The following LAMC1 variants were observed in gnomAD, a reference collection of about 807,000 sequenced individuals.
The protein encoded by LAMC1 is laminin subunit gamma-1.
Under a neutral mutation model 173.6 loss-of-function variants are expected in LAMC1, and 38 were observed. That is an observed-to-expected ratio of 0.22 (90% CI 0.17 to 0.29). LAMC1 has a LOEUF of 0.29. Among genes scored for constraint, LAMC1 ranks in the 10% least tolerant of loss-of-function variants. The pLI, the probability that LAMC1 is intolerant of heterozygous loss-of-function variation, is 1.00. For synonymous variants in LAMC1, 746 were observed against 749.1 expected (o/e 1.00, Z 0.07); for missense variants, 1,824 against 2,051.8 (o/e 0.89, Z 2.14).
rs114711568 is a variant in LAMC1, at chr1:183,137,986, G to T, written c.4473+159G>T. 847 of 659,020 alleles carry T rather than the reference G, an allele frequency of 1.3e-3. 5 individuals carry two copies. In the African/African-American group the frequency reaches 0.014, roughly 11 times the overall value. 40.8% of individuals were successfully genotyped at this position (659,020 alleles called of 1,614,324 possible). A position where few individuals can be genotyped will look rare whatever the true frequency, so the allele number is the denominator to read the frequency against. ...GTTAGTAGCTTACATAGAAGACAAA[G>T]AATTTGGATCTTCTGCCAGGTAATT... On this transcript the variant is annotated intron_variant, in intron 26 of 27. Coordinates refer to ENST00000258341, the MANE Select transcript of LAMC1 (RefSeq NM_002293.4).
chr1:183,111,454 C>T (rs1022215582), intron 4 of LAMC1, among the ~76,000 whole-genome samples: 1 of 151,802 alleles, frequency 6.6e-6, no homozygotes, highest in Admixed American at 6.6e-5. Flanking sequence ...GAGAATTTTC[C>T]CACTCCCCTG....
At chr1:183,104,476 G>C (rs191018803) in intron 2 of LAMC1, among the ~76,000 whole-genome samples, 14 of 152,338 alleles carry the variant, frequency 9.2e-5, no homozygotes, top group African/African-American at 3.4e-4. Context: ...GCATGTGGCT[G>C]AAGTCAACAA....
chr1:183,062,049 A>G (rs1654756258), intron 1 of LAMC1, among the ~76,000 whole-genome samples: 2 of 152,248 alleles, frequency 1.3e-5, no homozygotes, highest in South Asian at 4.1e-4. Context: ...CCTTTATCCC[A>G]TGAAATCAGA....
chr1:183,065,708 C>T (rs993899418), intron 1 of LAMC1, among the ~76,000 whole-genome samples: 38 of 152,104 alleles, frequency 2.5e-4, no homozygotes, highest in African/African-American at 7.7e-4. Context: ...ATTTTTGAAA[C>T]ATTAATATTT....
At chr1:183,043,440 T>C (rs528200721) in intron 1 of LAMC1, among the ~76,000 whole-genome samples, 68 of 152,304 alleles carry the variant, frequency 4.5e-4, no homozygotes, top group Non-Finnish European at 8.1e-4. Flanking sequence ...TATATCACTT[T>C]TACAGATAGT....
At chr1:183,084,140 G>A (rs558677234) in intron 1 of LAMC1, among the ~76,000 whole-genome samples, 31 of 152,202 alleles carry the variant, frequency 2.0e-4, no homozygotes, top group African/African-American at 7.2e-4. Flanking sequence ...GGATCACAAG[G>A]TCAGGAGATC....
chr1:183,040,256 ACTGC>A (rs1236626659), intron 1 of LAMC1, among the ~76,000 whole-genome samples: 1 of 152,172 alleles, frequency 6.6e-6, no homozygotes, highest in Non-Finnish European at 1.5e-5. Flanking sequence ...TTTGTGTTCA[ACTGC>A]CTGGTTACTT....
At chr1:183,131,228 G>A (rs1656776529) in intron 19 of LAMC1, 71 bp from the exon 20 acceptor site, 2 of 949,270 alleles carry the variant, frequency 2.1e-6, no homozygotes, top group South Asian at 1.5e-5. Context: ...CAAAAATTTA[G>A]TTTTGACTCT....
chr1:183,042,675 A>G (rs1290791059), intron 1 of LAMC1, among the ~76,000 whole-genome samples: 1 of 152,164 alleles, frequency 6.6e-6, no homozygotes, highest in Non-Finnish European at 1.5e-5. Context: ...GGATCCTCAC[A>G]ACTTTAGCTT....
chr1:183,072,400 A>T (rs991022382), intron 1 of LAMC1, among the ~76,000 whole-genome samples: 1 of 152,234 alleles, frequency 6.6e-6, no homozygotes, highest in Non-Finnish European at 1.5e-5. Flanking sequence ...GGCCAGCTTC[A>T]TAGAGAGCCC....
In LAMC1 at chr1:183,124,687, G is replaced by A. The variant is rs140707704; in HGVS notation, c.2458G>A (p.Gly820Ser). ...CTTTGGAGACCCCCTGGGTAGAAACGGCCCTGTGAGACTTTGCCGCCTGTG... is the reference window on the plus strand; with the variant it reads ...CTTTGGAGACCCCCTGGGTAGAAACAGCCCTGTGAGACTTTGCCGCCTGTG... Reference protein sequence around the residue: ...GYFGDPLGRNGPVRLCRLCQC... With the variant: ...GYFGDPLGRNSPVRLCRLCQC... Residue 820 changes from glycine to serine, a missense_variant, in exon 14 of 28, where the codon GGC becomes AGC. Coordinates refer to ENST00000258341, the MANE Select transcript of LAMC1 (RefSeq NM_002293.4). 7 of 1,614,084 alleles carry A rather than the reference G, an allele frequency of 4.3e-6. No homozygotes were observed. The highest frequency in any genetic ancestry group is 2.7e-5 in the African/African-American group (2 of 74,928).
chr1:183,062,421 G>C (rs906139934), intron 1 of LAMC1, among the ~76,000 whole-genome samples: 3 of 152,164 alleles, frequency 2.0e-5, no homozygotes, highest in Non-Finnish European at 4.4e-5. Context: ...TATTAGGTGA[G>C]GTGCATGGAT....
At chr1:183,031,011 A>T (rs1030153713) in intron 1 of LAMC1, among the ~76,000 whole-genome samples, 1 of 152,182 alleles carries the variant, frequency 6.6e-6, no homozygotes, top group African/African-American at 2.4e-5. Context: ...AATAAATAAA[A>T]TGTATATATT....
rs1030713796 is a variant in LAMC1 at position 183,099,233 on chromosome 1, C to T, written c.419-4095C>T. On this transcript the variant is annotated intron_variant, in intron 1 of 27. Coordinates refer to ENST00000258341, the MANE Select transcript of LAMC1 (RefSeq NM_002293.4). ...CCTCCTGAGTAGCTGGGATTACAGG[C>T]GCGTACCACCACGCCTGGCTAATTT... 2.0e-5 allele frequency among the ~76,000 whole-genome samples: 3 copies of T among 152,176 alleles called. No individual in the cohort carries two copies. In the Middle Eastern group the frequency reaches 0.01, roughly 518 times the overall value.
In LAMC1 at chr1:183,145,158, G is replaced by A. The variant is rs1340655958; in HGVS notation, c.*2368G>A. Reference sequence around the variant, plus strand: ...TCTCAGGCCACAATGGGGTGGTTTGGTTTGGTTTCCTTTTAACTTTCTTTT... The same window carrying A: ...TCTCAGGCCACAATGGGGTGGTTTGATTTGGTTTCCTTTTAACTTTCTTTT... On this transcript the variant is annotated 3_prime_UTR_variant, in exon 28 of 28. Coordinates refer to ENST00000258341, the MANE Select transcript of LAMC1 (RefSeq NM_002293.4). The A allele has an allele frequency of 3.9e-5, 6 of 152,208 alleles. No homozygotes were observed. Among genetic ancestry groups the A allele is most frequent in the Non-Finnish European group, 8.8e-5 (6 of 68,028 alleles). The allele number at this position is 152,208 out of a possible 1,614,324, so 9.4% of individuals were successfully genotyped here. A position where few individuals can be genotyped will look rare whatever the true frequency, so the allele number is the denominator to read the frequency against.
rs756422211 is a variant in LAMC1, at chr1:183,124,863, A to G, written c.2634A>G (p.Ala878=). Residue 878 remains alanine, a synonymous_variant, in exon 14 of 28, where the codon GCA becomes GCG. Coordinates refer to ENST00000258341, the MANE Select transcript of LAMC1 (RefSeq NM_002293.4). The part of the protein sequence containing the change: ...FFGNPLAPNP[A]DKCKACNCNL... ...GAAATCCCCTGGCTCCCAATCCAGCAGACAAATGCAAAGGTAATCAGCCTT... is the reference window on the plus strand; with the variant it reads ...GAAATCCCCTGGCTCCCAATCCAGCGGACAAATGCAAAGGTAATCAGCCTT... 6.2e-7 allele frequency: 1 copy of G among 1,614,142 alleles called. No homozygotes were observed. Among genetic ancestry groups the G allele is most frequent in the African/African-American group, 1.3e-5 (1 of 75,064 alleles).
chr1:183,029,798 A>C (rs1653803076), intron 1 of LAMC1, among the ~76,000 whole-genome samples: 1 of 152,222 alleles, frequency 6.6e-6, no homozygotes, highest in African/African-American at 2.4e-5. Context: ...GGGGTTTAGT[A>C]ATCTTTTAGT....
At chr1:183,116,996 T>C (rs1316982035) in intron 8 of LAMC1, 93 bp downstream of exon 8, 4 of 1,282,600 alleles carry the variant, frequency 3.1e-6, no homozygotes, top group East Asian at 2.4e-5. Flanking sequence ...TGAGGGCTTT[T>C]TGATGGTTGG....
At chr1:183,112,366 A>AT (rs1656185146) in intron 4 of LAMC1, among the ~76,000 whole-genome samples, 1 of 152,192 alleles carries the variant, frequency 6.6e-6, no homozygotes, top group Non-Finnish European at 1.5e-5. Flanking sequence ...ATAATGTCGT[A>AT]TTTTGAGTCT....
Sources: allele counts gnomAD v4.1 joint callset (sites outside exome capture counted in the v4.1 genomes callset), GRCh38; gene constraint gnomAD v4.1.1; transcripts MANE v1.5; gene names NCBI Gene and HGNC (gene_info 2026-07-23, HGNC 2026-07-21).